Variants in B3GALT9 observed in about 807,000 individuals in gnomAD.
The protein encoded by B3GALT9 is UDP-GlcNAc:betaGal beta-1,3-N-acetylglucosaminyltransferase 10 (putative).
In B3GALT9 at chr9:120,801,440, T is replaced by C. The variant is rs780382349; in HGVS notation, c.*1762T>C. ...TGTCTATTTAGGGCCTTTGGTCATT[T>C]CTAAGTCAGGTTATTTGGGCAGGGC... On this transcript the variant is annotated 3_prime_UTR_variant, in exon 3 of 3. Transcript: ENST00000689072. Among the ~76,000 whole-genome samples, 8 of 152,178 alleles carry C rather than the reference T, an allele frequency of 5.3e-5. No homozygotes were observed. Among genetic ancestry groups the C allele is most frequent in the Non-Finnish European group, 8.8e-5 (6 of 68,006 alleles).
rs1358770295 is a variant in B3GALT9, at chr9:120,800,387, G to A, written c.*709G>A. Among the ~76,000 whole-genome samples the A allele has an allele frequency of 1.3e-5, 2 of 151,932 alleles. No homozygotes were observed. Among genetic ancestry groups the A allele is most frequent in the Admixed American group, 6.6e-5 (1 of 15,232 alleles). On this transcript the variant is annotated 3_prime_UTR_variant, in exon 3 of 3. Transcript: ENST00000689072. The stretch of plus-strand genomic sequence containing the variant: ...ACCCGCCTGGGCCTCCCAAAGTGCT[G>A]GGATTACAGGTGTGAGCCACCACGC...
chr9:120,798,470 A>T (rs1315212464), intron 2 of B3GALT9, 105 bp from the exon 3 acceptor site: 1 of 398,278 alleles, frequency 2.5e-6, no homozygotes, highest in Non-Finnish European at 4.4e-6. Flanking sequence ...CACTTAAAAT[A>T]GAGTGTACTG....
rs1405604155 is a variant in B3GALT9, at chr9:120,799,253, C to G, written c.685C>G (p.Pro229Ala). Reference sequence around the variant, plus strand: ...AGATCCTCAGAACAGAGACTTTGTCCCTCTTAGTGAGTACCCAGAAAAATA... The same window carrying G: ...AGATCCTCAGAACAGAGACTTTGTCGCTCTTAGTGAGTACCCAGAAAAATA... ...NRDPQNRDFV[P>A]LSEYPEKYYP... is the part of the protein sequence containing the mutation. Residue 229 changes from proline (P) to alanine (A), a missense_variant, in exon 3 of 3, where the codon CCT becomes GCT. Physicochemically the swap from Pro to Ala is conservative, Grantham distance 27. Transcript: ENST00000689072. 10 of 399,092 alleles carry G rather than the reference C, an allele frequency of 2.5e-5. No homozygotes were observed. In the South Asian group the frequency reaches 5.1e-4, roughly 20 times the overall value. 24.7% of individuals were successfully genotyped at this position (399,092 alleles called of 1,614,324 possible). A position where few individuals can be genotyped will look rare whatever the true frequency, so the allele number is the denominator to read the frequency against.
At position 120,799,735 on chromosome 9, in the gene B3GALT9, A is replaced by G. The variant is rs1020299200; in HGVS notation, c.*57A>G. 2.5e-6 allele frequency: 1 copy of G among 397,902 alleles called. No individual in the cohort carries two copies. Among genetic ancestry groups the G allele is most frequent in the African/African-American group, 2.1e-5 (1 of 48,596 alleles). 24.6% of individuals were successfully genotyped at this position (397,902 alleles called of 1,614,324 possible). A position where few individuals can be genotyped will look rare whatever the true frequency, so the allele number is the denominator to read the frequency against. On this transcript the variant is annotated 3_prime_UTR_variant, in exon 3 of 3. Coordinates refer to ENST00000689072, the MANE Select transcript of B3GALT9 (RefSeq NM_001386823.1). ...TTTTAAAGTTACCTTCTACCCTGTT[A>G]TGGAAAGCATCCCTTCTTTCCCATG... is the stretch of plus-strand genomic sequence containing the variant.
intron 2 of B3GALT9, among the ~76,000 whole-genome samples, chr9:120,797,673 G>A (rs1291061697): frequency 6.6e-6 from 1 of 152,170 alleles, no homozygotes; most frequent in East Asian, 1.9e-4. Context: ...GATATTACCA[G>A]GGCTAAATGA....
chr9:120,798,019 AT>A (rs2044950020), intron 2 of B3GALT9, among the ~76,000 whole-genome samples: 1 of 152,238 alleles, frequency 6.6e-6, no homozygotes, highest in Non-Finnish European at 1.5e-5. Context: ...TCAGTATTAG[AT>A]TAAATTGGAA....
At chr9:120,798,311 A>G (rs1377133933) in intron 2 of B3GALT9, among the ~76,000 whole-genome samples, 1 of 152,230 alleles carries the variant, frequency 6.6e-6, no homozygotes, top group African/African-American at 2.4e-5. Flanking sequence ...TTATCCAAAC[A>G]AGCAAGAAAA....
In B3GALT9 at chr9:120,798,654, G is replaced by C. The variant is rs927420302; in HGVS notation, c.86G>C (p.Gly29Ala). Reference sequence around the variant, plus strand: ...ATCCTATTTCATGCCTTGCTTTTTGGGACTGACTTTGTGGAGGAATACTTT... The same window carrying C: ...ATCCTATTTCATGCCTTGCTTTTTGCGACTGACTTTGTGGAGGAATACTTT... ...NVILFHALLF[G>A]TDFVEEYFLH... The change falls in exon 3 of 3, where the codon GGG becomes GCG. Residue 29 changes from glycine to alanine, a missense_variant. Gly to Ala is a moderately conservative substitution (Grantham distance 60, BLOSUM62 0). Transcript: ENST00000689072. 7 of 399,192 alleles carry C rather than the reference G, an allele frequency of 1.8e-5. No individual in the cohort carries two copies. Among genetic ancestry groups the C allele is most frequent in the Non-Finnish European group, 2.7e-5 (6 of 226,158 alleles). The allele number at this position is 399,192 out of a possible 1,614,324, so 24.7% of individuals were successfully genotyped here.
rs2044954536 is a variant in B3GALT9 at position 120,798,893 on chromosome 9, A to T, written c.325A>T (p.Asn109Tyr). Reference protein sequence around the residue: ...RRDLIRKTWGNVTSVQGHPIL... With the variant: ...RRDLIRKTWGYVTSVQGHPIL... ...GGACCTCATTAGGAAAACTTGGGGCAATGTGACCAGTGTCCAAGGGCATCC... is the reference window on the plus strand; with the variant it reads ...GGACCTCATTAGGAAAACTTGGGGCTATGTGACCAGTGTCCAAGGGCATCC... Residue 109 changes from asparagine (N) to tyrosine (Y), a missense_variant, in exon 3 of 3, where the codon AAT (asparagine) becomes TAT (tyrosine). Physicochemically the swap from Asn to Tyr is moderately radical, Grantham distance 143. Coordinates refer to ENST00000689072, the MANE Select transcript of B3GALT9 (RefSeq NM_001386823.1). The T allele has an allele frequency of 2.5e-6, 1 of 399,136 alleles. No individual in the cohort carries two copies. The highest frequency in any genetic ancestry group is 4.4e-6 in the Non-Finnish European group (1 of 226,090). 24.7% of individuals were successfully genotyped at this position (399,136 alleles called of 1,614,324 possible).
At chr9:120,797,168 AAG>A (rs1301279321) in intron 2 of B3GALT9, among the ~76,000 whole-genome samples, 3 of 151,412 alleles carry the variant, frequency 2.0e-5, no homozygotes, top group Non-Finnish European at 4.4e-5. Context: ...AAGAGAAAGA[AAG>A]AGATAAGTAA....
At chr9:120,797,644 A>G (rs868437321) in intron 2 of B3GALT9, among the ~76,000 whole-genome samples, 4 of 152,244 alleles carry the variant, frequency 2.6e-5, no homozygotes, top group Admixed American at 6.5e-5. Context: ...TTAATTACGA[A>G]AATAACATAT....
chr9:120,801,365 A>AT lies in B3GALT9; in HGVS notation c.*1696dup, dbSNP rs1054910529. Among the ~76,000 whole-genome samples, 37 of 150,460 alleles carry AT rather than the reference A, an allele frequency of 2.5e-4. No homozygotes were observed. The highest frequency in any genetic ancestry group is 6.4e-4 in the South Asian group (3 of 4,718). On this transcript the variant is annotated 3_prime_UTR_variant, in exon 3 of 3. Coordinates refer to ENST00000689072, the MANE Select transcript of B3GALT9 (RefSeq NM_001386823.1). ...TCCCTGATGATTAGTGGTATTGAGC[A>AT]TTTTTTTTTCATATACCTGTTGGCC...
chr9:120,800,338 C>T lies in B3GALT9; in HGVS notation c.*660C>T, dbSNP rs936607623. Among the ~76,000 whole-genome samples, 1 of 151,914 alleles carries T rather than the reference C, an allele frequency of 6.6e-6. No individual in the cohort carries two copies. On this transcript the variant is annotated 3_prime_UTR_variant, in exon 3 of 3. Transcript: ENST00000689072. ...TTCACCATGTTGGCCAGGCTGGTCT[C>T]GAACTCCTGGCCTCAAGTGATCCAC...
chr9:120,798,542 G>A, intron 2 of B3GALT9, 33 bp from the exon 3 acceptor site: 1 of 399,574 alleles, frequency 2.5e-6, no homozygotes, highest in Non-Finnish European at 4.4e-6. Flanking sequence ...TAGAGGTGAA[G>A]CCTGAATGAA....
Position 120,801,037 on chromosome 9 carries a change from A to G in B3GALT9, c.*1359A>G, listed in dbSNP as rs1281132465. Reference sequence around the variant, plus strand: ...TCCAGGTTCATCCATGTTGTTGGAAATGACAGGATTTCTTTCATTTATAAG... The same window carrying G: ...TCCAGGTTCATCCATGTTGTTGGAAGTGACAGGATTTCTTTCATTTATAAG... On this transcript the variant is annotated 3_prime_UTR_variant, in exon 3 of 3. Coordinates refer to ENST00000689072, the MANE Select transcript of B3GALT9 (RefSeq NM_001386823.1). Among the ~76,000 whole-genome samples the G allele has an allele frequency of 6.6e-6, 1 of 152,226 alleles. No homozygotes were observed. The highest frequency in any genetic ancestry group is 2.4e-5 in the African/African-American group (1 of 41,454).
Position 120,793,788 on chromosome 9 carries a change from A to G in B3GALT9, c.-316A>G, listed in dbSNP as rs143755493. 0.01 allele frequency: 4,111 copies of G among 396,572 alleles called. 31 individuals carry two copies. The highest frequency in any genetic ancestry group is 0.013 in the Non-Finnish European group (2,873 of 225,072). 24.6% of individuals were successfully genotyped at this position (396,572 alleles called of 1,614,324 possible). ...CATACAACCTGTTGGGCACCTCTTTATCCCGAACGCTGTTCTAGGGGATAG... is the reference window on the plus strand; with the variant it reads ...CATACAACCTGTTGGGCACCTCTTTGTCCCGAACGCTGTTCTAGGGGATAG... On this transcript the variant is annotated 5_prime_UTR_variant, in exon 1 of 3. Coordinates refer to ENST00000689072, the MANE Select transcript of B3GALT9 (RefSeq NM_001386823.1).
chr9:120,795,618 C>T (rs543981739), intron 1 of B3GALT9, among the ~76,000 whole-genome samples: 1 of 152,220 alleles, frequency 6.6e-6, no homozygotes, highest in South Asian at 2.1e-4. Context: ...ACATAGCCAA[C>T]TTTAAATATA....
Position 120,799,467 on chromosome 9 carries a change from A to C in B3GALT9, c.899A>C (p.Asn300Thr), listed in dbSNP as rs2044957872. ...TCTGGGAAAAGGCACATTAGATACA[A>C]CAGATGTTGCTATAAGTTCATTTTT... ...RFSGKRHIRY[N>T]RCCYKFIFTS... Residue 300 changes from asparagine (N) to threonine (T), a missense_variant, in exon 3 of 3, where the codon AAC (asparagine) becomes ACC (threonine). By Grantham distance (65) the Asn-to-Thr change is moderately conservative. Coordinates refer to ENST00000689072, the MANE Select transcript of B3GALT9 (RefSeq NM_001386823.1). The C allele has an allele frequency of 2.5e-6, 1 of 399,260 alleles. No homozygotes were observed. Among genetic ancestry groups the C allele is most frequent in the Non-Finnish European group, 4.4e-6 (1 of 226,134 alleles). The allele number at this position is 399,260 out of a possible 1,614,324, so 24.7% of individuals were successfully genotyped here.
At chr9:120,798,399 G>A (rs541947802) in intron 2 of B3GALT9, among the ~76,000 whole-genome samples, 176 bp from the exon 3 acceptor site, 4 of 152,186 alleles carry the variant, frequency 2.6e-5, no homozygotes, top group Admixed American at 2.0e-4. Flanking sequence ...ACAGAGACAC[G>A]ATGCCTGCTG....
Sources: gnomAD v4.1 joint callset for allele counts (sites outside exome capture counted in the v4.1 genomes callset) on GRCh38, gnomAD v4.1.1 for gene constraint, MANE v1.5 for transcripts, NCBI Gene and HGNC (gene_info 2026-07-23, HGNC 2026-07-21) for gene names.